The following DRP2 variants were observed in gnomAD, a reference collection of about 807,000 sequenced individuals.
The protein encoded by DRP2 is dystrophin related protein 2.
DRP2 carries 29 observed loss-of-function variants against 78.2 expected under a neutral mutation model. The observed-to-expected ratio is 0.37, with a 90% CI of 0.28 to 0.51. The LOEUF is 0.51. Among genes scored for constraint, DRP2 ranks in the 20% least tolerant of loss-of-function variants. The pLI is 0.94. For missense variants in DRP2, 686 were observed against 770.6 expected (o/e 0.89, Z 1.30); for synonymous variants, 290 against 281.9 (o/e 1.03, Z -0.29).
chrX:101,250,829 T>G (rs1272634080), intron 15 of DRP2, 88 bp from the exon 16 acceptor site: 1 of 1,115,251 alleles, frequency 9.0e-7, no homozygotes, highest in African/African-American at 1.8e-5. Flanking sequence ...CAGCCCCTGC[T>G]GGTTCTCCTG....
rs1288807173 is a variant in DRP2, at chrX:101,248,088, G to C, written c.1253-1G>C. ...TTTCTCTTCTCTTCTTTCCTTACCA[G>C]TGGACCTGGTAACTTTAACCACAGC... On this transcript the variant is annotated splice_acceptor_variant, in intron 12 of 23. Transcript: ENST00000395209. LOFTEE classifies it high-confidence loss of function. The C allele has an allele frequency of 8.3e-7, 1 of 1,209,772 alleles. No individual in the cohort carries two copies. Among genetic ancestry groups the C allele is most frequent in the Non-Finnish European group, 1.1e-6 (1 of 894,177 alleles).
At chrX:101,237,218 G>A (rs1401535811) in intron 4 of DRP2, among the ~76,000 whole-genome samples, 1 of 112,203 alleles carries the variant, frequency 8.9e-6, no homozygotes, top group Non-Finnish European at 1.9e-5. Context: ...TGGTTGAGCA[G>A]TTTGGCATGA....
intron 5 of DRP2, among the ~76,000 whole-genome samples, chrX:101,238,037 A>G (rs781531532): frequency 1.8e-5 from 2 of 112,190 alleles, no homozygotes; most frequent in East Asian, 5.6e-4. Flanking sequence ...ACATAATGCT[A>G]AGTGAAAAAA....
Position 101,248,285 on chromosome X carries a change from T to C in DRP2, c.1449T>C (p.Phe483=). 8 of 1,210,322 alleles carry C rather than the reference T, an allele frequency of 6.6e-6. No homozygotes were observed. The highest frequency in any genetic ancestry group is 8.9e-6 in the Non-Finnish European group (8 of 894,456). Residue 483 remains phenylalanine (F), a synonymous_variant, in exon 13 of 24, where the codon TTT becomes TTC. Transcript: ENST00000395209. The part of the protein sequence containing the change: ...DMSLNWLLNV[F]DSGRSGKMRA... ...GCCTCAATTGGCTCCTCAATGTTTT[T>C]GATAGGTAAGGGCTTTCAGCTCTGG...
intron 12 of DRP2, 86 bp downstream of exon 12, chrX:101,247,250 C>T: frequency 2.2e-6 from 2 of 915,004 alleles, no homozygotes; most frequent in Admixed American, 5.5e-5. Flanking sequence ...TTCCTCCCAC[C>T]TTGGCAAAGG....
chrX:101,224,191 GTTTTTTTTTTTTTTT>G (rs1167730116), intron 1 of DRP2, among the ~76,000 whole-genome samples: 1 of 38,868 alleles, frequency 2.6e-5, no homozygotes, highest in African/African-American at 1.3e-4. Flanking sequence ...GGTTTTTTTT[GTTTTTTTTTTTTTTT>G]TTTTTTTTTT....
chrX:101,233,864 C>T (rs1053281234), intron 3 of DRP2, among the ~76,000 whole-genome samples: 3 of 112,008 alleles, frequency 2.7e-5, no homozygotes, highest in Non-Finnish European at 5.6e-5. Context: ...ACTAACTATC[C>T]ATTTCCCTTT....
chrX:101,254,118 A>T (rs2147350766), intron 17 of DRP2, among the ~76,000 whole-genome samples: 1 of 110,878 alleles, frequency 9.0e-6, no homozygotes, highest in African/African-American at 3.3e-5. Context: ...CCCTGTCTCT[A>T]CAAAATTAAT....
In DRP2 at chrX:101,235,959, C is replaced by T. The variant is rs939937424; in HGVS notation, c.217C>T (p.Pro73Ser). ...GAACGGGTCTGTTGGTGCCTCTGGA[C>T]CCCTGGAACCACCAGCCATGAATCT... ...LLNGSVGASG[P>S]LEPPAMNLCW... Residue 73 changes from proline to serine, a missense_variant, in exon 4 of 24, where the codon CCC (proline) becomes TCC (serine). Transcript: ENST00000395209. 4 of 1,210,120 alleles carry T rather than the reference C, an allele frequency of 3.3e-6. No individual in the cohort carries two copies. Among genetic ancestry groups the T allele is most frequent in the African/African-American group, 3.5e-5 (2 of 57,199 alleles).
Position 101,235,903 on chromosome X carries a change from C to T in DRP2, c.161C>T (p.Ala54Val). Residue 54 changes from alanine to valine, a missense_variant, in exon 4 of 24, where the codon GCT becomes GTT. By Grantham distance (64) the Ala-to-Val change is moderately conservative. Coordinates refer to ENST00000395209, the MANE Select transcript of DRP2 (RefSeq NM_001939.3). ...VTSPAPPQDGAGVPCLSLKLL... is the reference protein window; with the variant it reads ...VTSPAPPQDGVGVPCLSLKLL... Reference sequence around the variant, plus strand: ...AGCCCTGCACCTCCTCAAGATGGTGCTGGGGTTCCCTGCCTAAGCCTAAAG... The same window carrying T: ...AGCCCTGCACCTCCTCAAGATGGTGTTGGGGTTCCCTGCCTAAGCCTAAAG... 1 of 1,211,584 alleles carries T rather than the reference C, an allele frequency of 8.3e-7. No individual in the cohort carries two copies. Among genetic ancestry groups the T allele is most frequent in the Non-Finnish European group, 1.1e-6 (1 of 895,362 alleles).
intron 1 of DRP2, among the ~76,000 whole-genome samples, chrX:101,223,326 T>G (rs968696343): frequency 1.2e-4 from 13 of 112,388 alleles, no homozygotes; most frequent in African/African-American, 4.2e-4. Context: ...CTATTCAATG[T>G]TATATTTGTG....
At chrX:101,236,123 C>A in intron 4 of DRP2, 100 bp downstream of exon 4, 1 of 925,791 alleles carries the variant, frequency 1.1e-6, no homozygotes. Flanking sequence ...TCCCCCTTTC[C>A]TTAGCCCACC....
At chrX:101,225,635 G>T (rs1451150536) in intron 2 of DRP2, among the ~76,000 whole-genome samples, 1 of 111,573 alleles carries the variant, frequency 9.0e-6, no homozygotes, top group Non-Finnish European at 1.9e-5. Context: ...TTATGGAAAA[G>T]CTGGCACACC....
intron 1 of DRP2, among the ~76,000 whole-genome samples, chrX:101,224,235 G>T: frequency 2.0e-5 from 1 of 50,736 alleles, no homozygotes; most frequent in East Asian, 5.8e-4. Context: ...ATGGAGTCTC[G>T]CTATGTCACC....
rs770045690 is a variant in DRP2, at chrX:101,235,855, T to A, written c.118-5T>A. 4 of 1,200,231 alleles carry A rather than the reference T, an allele frequency of 3.3e-6. No individual in the cohort carries two copies. The South Asian group carries it at 7.2e-5, about 22-fold the overall frequency. On this transcript the variant is annotated splice_region_variant and splice_polypyrimidine_tract_variant and intron_variant, in intron 3 of 23. Transcript: ENST00000395209. ...GGATCACAGGATGTTTGTGTTTCTG[T>A]CCAGGTTAGAGCTGCTGTCACCAGC...
chrX:101,250,798 T>C (rs1242977738), intron 15 of DRP2, 119 bp from the exon 16 acceptor site: 1 of 999,030 alleles, frequency 1.0e-6, no homozygotes, highest in Non-Finnish European at 1.4e-6. Flanking sequence ...AACGTGAACA[T>C]CTCTGGAGAA....
At chrX:101,243,415 AACAC>A (rs1165577859) in intron 9 of DRP2, among the ~76,000 whole-genome samples, 19 of 77,570 alleles carry the variant, frequency 2.4e-4, no homozygotes, top group African/African-American at 1.3e-3. Context: ...AAAAAAAAAA[AACAC>A]AATCTCTCAA....
chrX:101,257,367 CAG>C (rs2147353355), intron 21 of DRP2, among the ~76,000 whole-genome samples: 1 of 96,118 alleles, frequency 1.0e-5, no homozygotes, highest in South Asian at 5.2e-4. Context: ...CAGTGCTACT[CAG>C]AGTTTGGAGA....
At chrX:101,224,907 G>A (rs998168336) in intron 2 of DRP2, among the ~76,000 whole-genome samples, 1 of 112,471 alleles carries the variant, frequency 8.9e-6, no homozygotes, top group Non-Finnish European at 1.9e-5. Context: ...GGACATTTGA[G>A]TGAATGCAGA....
Sources: gnomAD v4.1 joint callset for allele counts (sites outside exome capture counted in the v4.1 genomes callset) on GRCh38, gnomAD v4.1.1 for gene constraint, MANE v1.5 for transcripts, NCBI Gene and HGNC (gene_info 2026-07-23, HGNC 2026-07-21) for gene names.